The following IGF1R variants were observed in gnomAD, a reference collection of about 807,000 sequenced individuals.
IGF1R encodes insulin-like growth factor 1 receptor.
A neutral mutation model predicts 144.6 loss-of-function variants in IGF1R; 44 were observed. The observed-to-expected ratio is 0.30, with a 90% CI of 0.24 to 0.39. The LOEUF is 0.39. Ranked by LOEUF, IGF1R falls within the 10% of genes least tolerant of loss-of-function variation. The probability of loss-of-function intolerance (pLI) is 1.00; values close to 1 mark genes in which losing one functional copy is unlikely to be tolerated. For synonymous variants in IGF1R, 795 were observed against 722.8 expected (o/e 1.10, Z -1.60); for missense variants, 1,355 against 1,833.7 (o/e 0.74, Z 4.77).
intron 20 of IGF1R, among the ~76,000 whole-genome samples, chr15:98,952,547 A>T: frequency 6.6e-6 from 1 of 152,200 alleles, no homozygotes; most frequent in East Asian, 1.9e-4. Context: ...AGCCCATGAA[A>T]GCAGGTGTGA....
At chr15:98,859,027 C>T (rs1429683175) in intron 2 of IGF1R, among the ~76,000 whole-genome samples, 5 of 151,598 alleles carry the variant, frequency 3.3e-5, no homozygotes, top group East Asian at 1.9e-4. Context: ...GCCCAGCCTC[C>T]GGGGAGGGTT....
intron 2 of IGF1R, among the ~76,000 whole-genome samples, chr15:98,856,092 C>A (rs998955934): frequency 2.6e-5 from 4 of 152,198 alleles, no homozygotes; most frequent in African/African-American, 7.2e-5. Flanking sequence ...GTAGAAGGGG[C>A]CTTCTCCAAG....
At chr15:98,886,801 C>CGGGCTCTG (rs2013664816) in intron 2 of IGF1R, among the ~76,000 whole-genome samples, 1 of 152,120 alleles carries the variant, frequency 6.6e-6, no homozygotes, top group Admixed American at 6.5e-5. Context: ...AAATTTACAG[C>CGGGCTCTG]GGGCTCTGGG....
At chr15:98,719,895 G>T (rs1217937481) in intron 2 of IGF1R, among the ~76,000 whole-genome samples, 1 of 152,238 alleles carries the variant, frequency 6.6e-6, no homozygotes, top group Non-Finnish European at 1.5e-5. Context: ...GAAATACTCA[G>T]TGTAGAATAA....
At chr15:98,732,573 G>C (rs74032555) in intron 2 of IGF1R, among the ~76,000 whole-genome samples, 6 of 152,044 alleles carry the variant, frequency 3.9e-5, no homozygotes, top group East Asian at 1.9e-4. Context: ...CATGGGGAAG[G>C]GGGTCGGAGG....
rs1038927821 is a variant in IGF1R at position 98,964,242 on chromosome 15, A to T, written c.*6800A>T. 1 of 232,654 alleles carries T rather than the reference A, an allele frequency of 4.3e-6. No homozygotes were observed. The highest frequency in any genetic ancestry group is 8.5e-6 in the Non-Finnish European group (1 of 117,570). 14.4% of individuals were successfully genotyped at this position (232,654 alleles called of 1,614,324 possible). On this transcript the variant is annotated 3_prime_UTR_variant, in exon 21 of 21. Coordinates refer to ENST00000650285, the MANE Select transcript of IGF1R (RefSeq NM_000875.5). ...TTTAAGTAAGAAAAAAAAAGGTAAT[A>T]ACATGGCCAATTTGTTACATAAAAT...
At chr15:98,898,075 C>G (rs2151654742) in intron 4 of IGF1R, among the ~76,000 whole-genome samples, 1 of 152,256 alleles carries the variant, frequency 6.6e-6, no homozygotes, top group African/African-American at 2.4e-5. Context: ...GTTGATATCC[C>G]TTGTTGCTGT....
intron 2 of IGF1R, among the ~76,000 whole-genome samples, chr15:98,756,385 T>C (rs1001923190): frequency 6.6e-6 from 1 of 152,206 alleles, no homozygotes; most frequent in African/African-American, 2.4e-5. Context: ...GTTCAGCTTT[T>C]AAGCCTTTTC....
In IGF1R at chr15:98,957,181, C is replaced by G; in HGVS notation, c.3843C>G (p.Tyr1281Ter). 1.2e-6 allele frequency: 2 copies of G among 1,614,270 alleles called. No individual in the cohort carries two copies. Among genetic ancestry groups the G allele is most frequent in the Non-Finnish European group, 1.7e-6 (2 of 1,180,046 alleles). ...GCTTCCGGGAGGTCTCCTTCTACTA[C>G]AGCGAGGAGAACAAGCTGCCCGAGC... ...EPGFREVSFYYSEENKLPEPE... is the reference protein window; with the variant it reads ...EPGFREVSFY The change falls in exon 21 of 21, where the codon TAC becomes TAG. Residue 1281 changes from tyrosine (Y) to a stop codon, truncating the protein, a stop_gained. Coordinates refer to ENST00000650285, the MANE Select transcript of IGF1R (RefSeq NM_000875.5). LOFTEE classifies it high-confidence loss of function.
chr15:98,707,505 AT>A lies in IGF1R; in HGVS notation c.95-56del, dbSNP rs2053894113. 2 of 1,527,172 alleles carry A rather than the reference AT, an allele frequency of 1.3e-6. No homozygotes were observed. Among genetic ancestry groups the A allele is most frequent in the Non-Finnish European group, 1.8e-6 (2 of 1,110,140 alleles). The allele number at this position is 1,527,172 out of a possible 1,614,324, so 94.6% of individuals were successfully genotyped here. A position where few individuals can be genotyped will look rare whatever the true frequency, so the allele number is the denominator to read the frequency against. ...AACCAACTGTATTATTGTTTGGAAA[AT>A]AGTTTAAAAATTATTTCCTTCTAAC... On this transcript the variant is annotated intron_variant, in intron 1 of 20. Coordinates refer to ENST00000650285, the MANE Select transcript of IGF1R (RefSeq NM_000875.5). This position sits in a 1 kb window ranked among gnomAD's most constrained non-coding sequence, Gnocchi z 6.7.
chr15:98,851,079 C>T (rs1229853387), intron 2 of IGF1R, among the ~76,000 whole-genome samples: 2 of 152,108 alleles, frequency 1.3e-5, no homozygotes, highest in Admixed American at 1.3e-4. Context: ...CTGGCCAGGG[C>T]AAGGGAAGCC....
At chr15:98,788,195 T>G (rs1335405430) in intron 2 of IGF1R, among the ~76,000 whole-genome samples, 2 of 152,122 alleles carry the variant, frequency 1.3e-5, no homozygotes, top group African/African-American at 4.8e-5. Context: ...ATGGGTAGAC[T>G]CTAATCTGAA....
At chr15:98,686,600 A>G in intron 1 of IGF1R, among the ~76,000 whole-genome samples, 1 of 151,914 alleles carries the variant, frequency 6.6e-6, no homozygotes, top group East Asian at 1.9e-4. Context: ...ATTCTAATGG[A>G]TGTGAGGTGG....
intron 1 of IGF1R, among the ~76,000 whole-genome samples, chr15:98,670,984 T>C (rs1317204210): frequency 6.6e-6 from 1 of 152,176 alleles, no homozygotes; most frequent in African/African-American, 2.4e-5. Context: ...AGTTTTCTAT[T>C]GAGTTGTCAT....
chr15:98,887,759 G>A (rs2013711424), intron 2 of IGF1R, among the ~76,000 whole-genome samples: 1 of 152,170 alleles, frequency 6.6e-6, no homozygotes, highest in Non-Finnish European at 1.5e-5. Context: ...TGAATTTTGT[G>A]GGAATAACAT....
At chr15:98,948,061 C>T (rs1326976295) in intron 19 of IGF1R, among the ~76,000 whole-genome samples, 2 of 152,176 alleles carry the variant, frequency 1.3e-5, no homozygotes, top group African/African-American at 4.8e-5. Context: ...GTGAGAACCA[C>T]CTGGGTAGAG....
At chr15:98,936,792 C>T (rs2151710503) in intron 17 of IGF1R, among the ~76,000 whole-genome samples, 1 of 152,270 alleles carries the variant, frequency 6.6e-6, no homozygotes, top group African/African-American at 2.4e-5. Flanking sequence ...AACTCCCACC[C>T]TCTGTTCTGC....
chr15:98,688,340 T>C (rs2053384979), intron 1 of IGF1R, among the ~76,000 whole-genome samples: 1 of 51,066 alleles, frequency 2.0e-5, no homozygotes, highest in African/African-American at 6.2e-5. Context: ...CTCTCTGCCT[T>C]TCACTTCCCC....
intron 2 of IGF1R, among the ~76,000 whole-genome samples, chr15:98,753,315 C>A (rs1022658971): frequency 6.7e-6 from 1 of 148,858 alleles, no homozygotes; most frequent in Non-Finnish European, 1.5e-5. Context: ...CTCCTCTGCT[C>A]AAGCAATCCT....
Sources: allele counts gnomAD v4.1 joint callset (sites outside exome capture counted in the v4.1 genomes callset), GRCh38; gene constraint gnomAD v4.1.1; non-coding constraint Gnocchi (gnomAD v3.1); transcripts MANE v1.5; gene names NCBI Gene and HGNC (gene_info 2026-07-23, HGNC 2026-07-21).